IL34: variants seen among roughly 807,000 people sequenced by gnomAD.
The protein encoded by IL34 is interleukin-34.
Under a neutral mutation model 25.3 loss-of-function variants are expected in IL34, and 17 were observed. The ratio of observed to expected loss-of-function variants is 0.67; its 90% CI spans 0.46 to 1.01. IL34 has a LOEUF of 1.01. Ranked by LOEUF, IL34 falls within the 50% of genes least tolerant of loss-of-function variation. The pLI is 0.00. For synonymous variants in IL34, 174 were observed against 140.9 expected (o/e 1.23, Z -1.66); for missense variants, 368 against 312.9 (o/e 1.18, Z -1.33).
intron 1 of IL34, among the ~76,000 whole-genome samples, chr16:70,617,089 AT>A (rs892736661): frequency 6.6e-5 from 10 of 151,986 alleles, no homozygotes; most frequent in African/African-American, 1.9e-4. Context: ...CTGAAGGAAG[AT>A]TTTGTGGTAA....
intron 1 of IL34, among the ~76,000 whole-genome samples, chr16:70,636,771 CAAACAAAACA>C (rs57095554): frequency 1.4e-4 from 21 of 150,860 alleles, no homozygotes; most frequent in Non-Finnish European, 2.2e-4. Context: ...CTGTCTCAAA[CAAACAAAACA>C]AAACAAAACA....
chr16:70,655,607 G>T (rs1189432811), intron 2 of IL34, among the ~76,000 whole-genome samples: 3 of 151,778 alleles, frequency 2.0e-5, no homozygotes, highest in Non-Finnish European at 4.4e-5. Flanking sequence ...GCCCAGGGTG[G>T]TCTTGAACTC....
intron 1 of IL34, among the ~76,000 whole-genome samples, chr16:70,606,097 C>T (rs1187868638): frequency 6.7e-6 from 1 of 149,842 alleles, no homozygotes; most frequent in Non-Finnish European, 1.5e-5. Context: ...TACTTGATAA[C>T]TTTTAAATAT....
At chr16:70,659,968 T>TG in intron 5 of IL34, 29 bp from the exon 6 acceptor site, 1 of 1,442,316 alleles carries the variant, frequency 6.9e-7, no homozygotes, top group Non-Finnish European at 9.3e-7. Flanking sequence ...ACTGCTGCAG[T>TG]CTTTTTTTTT....
rs146356953 is a variant in IL34, at chr16:70,656,379, C to T, written c.163-223C>T. On this transcript the variant is annotated intron_variant, in intron 2 of 5. Coordinates refer to ENST00000288098, the MANE Select transcript of IL34 (RefSeq NM_001393494.1). Reference sequence around the variant, plus strand: ...ACAAAAAATAAAAAAATCATCTGGGCGTGGTGGCACACACCTGTAGTCCCA... The same window carrying T: ...ACAAAAAATAAAAAAATCATCTGGGTGTGGTGGCACACACCTGTAGTCCCA... Among the ~76,000 whole-genome samples the T allele has an allele frequency of 7.7e-4, 117 of 152,246 alleles. No homozygotes were observed. The East Asian group carries it at 9.8e-3, about 13-fold the overall frequency.
At chr16:70,585,491 T>G (rs1201421554) in intron 1 of IL34, among the ~76,000 whole-genome samples, 1 of 151,716 alleles carries the variant, frequency 6.6e-6, no homozygotes, top group Non-Finnish European at 1.5e-5. Context: ...ATTGAGACCA[T>G]CCTGGCCAAC....
At chr16:70,619,129 A>G (rs2051223407) in intron 1 of IL34, among the ~76,000 whole-genome samples, 1 of 152,056 alleles carries the variant, frequency 6.6e-6, no homozygotes, top group Non-Finnish European at 1.5e-5. Context: ...AATTGTAAGG[A>G]GTTTATAGGC....
intron 1 of IL34, among the ~76,000 whole-genome samples, chr16:70,616,880 G>A (rs949532655): frequency 2.6e-5 from 4 of 152,184 alleles, no homozygotes; most frequent in Admixed American, 6.5e-5. Context: ...AGTCACAGGG[G>A]ATGCGATGGC....
chr16:70,655,249 C>T (rs2052186472), intron 2 of IL34, among the ~76,000 whole-genome samples: 1 of 151,288 alleles, frequency 6.6e-6, no homozygotes, highest in Non-Finnish European at 1.5e-5. Flanking sequence ...GACGGGGTTT[C>T]ACCATGTTAG....
At chr16:70,618,150 G>A (rs562527353) in intron 1 of IL34, among the ~76,000 whole-genome samples, 2,137 of 151,738 alleles carry the variant, frequency 0.014, 50 homozygotes, top group African/African-American at 0.045. Context: ...AGAGGTTCTA[G>A]GAGGCGGGCT....
intron 1 of IL34, among the ~76,000 whole-genome samples, chr16:70,633,681 GA>G (rs1358133740): frequency 6.6e-6 from 1 of 152,162 alleles, no homozygotes; most frequent in Admixed American, 6.5e-5. Flanking sequence ...CAAAGATCTG[GA>G]GGCTAGAAAT....
chr16:70,648,186 G>A (rs187338829), intron 1 of IL34, among the ~76,000 whole-genome samples: 18 of 152,304 alleles, frequency 1.2e-4, no homozygotes, highest in Non-Finnish European at 2.5e-4. Context: ...TCAGTCTGGT[G>A]GTGTTTGTAG....
At chr16:70,608,966 GC>G (rs2051051182) in intron 1 of IL34, among the ~76,000 whole-genome samples, 1 of 152,184 alleles carries the variant, frequency 6.6e-6, no homozygotes, top group Non-Finnish European at 1.5e-5. Flanking sequence ...GGGTAATCAT[GC>G]CTTCCTTCCA....
intron 1 of IL34, among the ~76,000 whole-genome samples, chr16:70,622,420 A>G (rs989191697): frequency 6.6e-6 from 1 of 151,732 alleles, no homozygotes; most frequent in Non-Finnish European, 1.5e-5. Context: ...CCGAGAAGTT[A>G]TTTCCTTGAG....
chr16:70,633,857 CT>C (rs367597411), intron 1 of IL34, among the ~76,000 whole-genome samples: 55 of 146,506 alleles, frequency 3.8e-4, no homozygotes, highest in Non-Finnish European at 4.5e-4. Flanking sequence ...GAGTCTCTCT[CT>C]TTTTTTTTTT....
At chr16:70,613,004 C>T (rs1331608347) in intron 1 of IL34, among the ~76,000 whole-genome samples, 1 of 152,156 alleles carries the variant, frequency 6.6e-6, no homozygotes, top group Non-Finnish European at 1.5e-5. Flanking sequence ...AACTCCTGAC[C>T]TCAAATGATC....
chr16:70,649,810 A>ATTTTTG (rs1176882976), intron 1 of IL34, among the ~76,000 whole-genome samples: 1 of 151,316 alleles, frequency 6.6e-6, no homozygotes, highest in African/African-American at 2.4e-5. Flanking sequence ...TTTTATTTTT[A>ATTTTTG]TTTTTTGAGA....
At chr16:70,655,059 T>G (rs1012556675) in intron 2 of IL34, among the ~76,000 whole-genome samples, 1 of 111,728 alleles carries the variant, frequency 9.0e-6, no homozygotes. Context: ...TCTATGTATC[T>G]TTTTTTTTTT....
chr16:70,627,537 A>T (rs1244080342), intron 1 of IL34, among the ~76,000 whole-genome samples: 1 of 149,656 alleles, frequency 6.7e-6, no homozygotes, highest in African/African-American at 2.5e-5. Flanking sequence ...GCTAGAGCAC[A>T]GTGGTGCTAT....
Sources: gnomAD v4.1 joint callset for allele counts (sites outside exome capture counted in the v4.1 genomes callset) on GRCh38, gnomAD v4.1.1 for gene constraint, MANE v1.5 for transcripts, NCBI Gene and HGNC (gene_info 2026-07-23, HGNC 2026-07-21) for gene names.